The following RAP1GAP2 variants were observed in gnomAD, a reference collection of about 807,000 sequenced individuals.
RAP1GAP2 encodes rap1 GTPase-activating protein 2.
In RAP1GAP2, 27 loss-of-function variants were observed where a neutral mutation model predicts 95.0. That is an observed-to-expected ratio of 0.28 (90% CI 0.21 to 0.39). The LOEUF is 0.39. Ranked by LOEUF, RAP1GAP2 falls within the 10% of genes least tolerant of loss-of-function variation. The pLI is 1.00. For missense variants in RAP1GAP2, 771 were observed against 970.0 expected, an observed-to-expected ratio of 0.79 and a Z score of 2.72; for synonymous variants, 373 against 380.9, an observed-to-expected ratio of 0.98 and a Z score of 0.24.
intron 2 of RAP1GAP2, among the ~76,000 whole-genome samples, chr17:2,806,628 C>T (rs1456219259): frequency 6.6e-6 from 1 of 151,496 alleles, no homozygotes; most frequent in Non-Finnish European, 1.5e-5. Context: ...AACTCGTGAC[C>T]TCAGATGATC....
intron 1 of RAP1GAP2, among the ~76,000 whole-genome samples, chr17:2,781,960 C>G (rs939442049): frequency 2.0e-5 from 3 of 152,160 alleles, no homozygotes; most frequent in East Asian, 1.9e-4. Context: ...GTGCATGTCT[C>G]TGTGTGTGCA....
intron 2 of RAP1GAP2, among the ~76,000 whole-genome samples, chr17:2,887,898 T>C (rs767600822): frequency 6.6e-6 from 1 of 152,094 alleles, no homozygotes; most frequent in Non-Finnish European, 1.5e-5. Flanking sequence ...GGTCTTGAAC[T>C]CCTGACCTCA....
chr17:2,865,501 A>C (rs559467324), intron 2 of RAP1GAP2, among the ~76,000 whole-genome samples: 1 of 152,150 alleles, frequency 6.6e-6, no homozygotes, highest in Non-Finnish European at 1.5e-5. Context: ...CTCGATATGA[A>C]CTGGAAGGTC....
intron 10 of RAP1GAP2, among the ~76,000 whole-genome samples, chr17:2,982,453 G>A (rs768900712): frequency 2.0e-5 from 3 of 152,170 alleles, no homozygotes; most frequent in African/African-American, 7.2e-5. Context: ...AACACTTTCA[G>A]TGTTCAGGAT....
rs530256984 is a variant in RAP1GAP2 at position 2,830,621 on chromosome 17, G to T, written c.80+30071G>T. Among the ~76,000 whole-genome samples the T allele has an allele frequency of 7.9e-5, 12 of 152,098 alleles. No homozygotes were observed. The East Asian group carries it at 2.3e-3, about 30-fold the overall frequency. On this transcript the variant is annotated intron_variant, in intron 2 of 24. Transcript: ENST00000254695. ...CCCAGCTACTCAGGAAGCTGAGGCA[G>T]GAGAATCGCTTGAACCTGGGAGGCG...
intron 8 of RAP1GAP2, among the ~76,000 whole-genome samples, chr17:2,966,439 G>T (rs2044602862): frequency 6.6e-6 from 1 of 152,230 alleles, no homozygotes; most frequent in African/African-American, 2.4e-5. Flanking sequence ...CTGTGAACCT[G>T]TCAGGCTCTC....
intron 3 of RAP1GAP2, among the ~76,000 whole-genome samples, chr17:2,951,388 A>G (rs1412426339): frequency 1.3e-5 from 2 of 152,202 alleles, no homozygotes; most frequent in African/African-American, 4.8e-5. Flanking sequence ...TTTGGTTTTA[A>G]GATGTGTCCA....
chr17:2,781,892 GTC>G (rs1369928321), intron 1 of RAP1GAP2, among the ~76,000 whole-genome samples: 6 of 150,884 alleles, frequency 4.0e-5, no homozygotes, highest in Admixed American at 4.0e-4. Context: ...GTGTGTGCAC[GTC>G]TCTGTGTGTG....
chr17:2,933,367 C>T (rs762944190), intron 3 of RAP1GAP2, among the ~76,000 whole-genome samples: 2 of 151,528 alleles, frequency 1.3e-5, no homozygotes, highest in Admixed American at 6.6e-5. Flanking sequence ...GGGGGCCAGC[C>T]GTGCCTCTGA....
chr17:3,017,916 C>CGTGGGTGT, intron 17 of RAP1GAP2, 145 bp from the exon 18 acceptor site: 1 of 561,302 alleles, frequency 1.8e-6, no homozygotes. Flanking sequence ...CCTCTGTGAC[C>CGTGGGTGT]GTGTGTGTGT....
chr17:2,886,171 ATTT>A (rs564574824), intron 2 of RAP1GAP2, among the ~76,000 whole-genome samples: 27,257 of 122,480 alleles, frequency 0.22, 3,109 homozygotes, highest in Middle Eastern at 0.32. Flanking sequence ...GTATATATAT[ATTT>A]TTTTTTTTTT....
At chr17:3,024,101 A>G (rs2047033512) in intron 19 of RAP1GAP2, among the ~76,000 whole-genome samples, 1 of 152,144 alleles carries the variant, frequency 6.6e-6, no homozygotes, top group African/African-American at 2.4e-5. Context: ...AATTAATATG[A>G]CCACTGGAGA....
At chr17:2,997,295 C>G (rs193158443) in intron 13 of RAP1GAP2, among the ~76,000 whole-genome samples, 14 of 152,290 alleles carry the variant, frequency 9.2e-5, no homozygotes, top group East Asian at 5.8e-4. Context: ...CCCCCTGACA[C>G]GTCTCCTCCT....
chr17:2,884,450 G>A (rs1300807406), intron 2 of RAP1GAP2, among the ~76,000 whole-genome samples: 1 of 146,014 alleles, frequency 6.8e-6, no homozygotes, highest in African/African-American at 2.5e-5. Flanking sequence ...TCGGCTCACT[G>A]TAACCTTCGC....
At chr17:2,862,305 AGTCGCC>A (rs1242676551) in intron 2 of RAP1GAP2, among the ~76,000 whole-genome samples, 1 of 152,154 alleles carries the variant, frequency 6.6e-6, no homozygotes, top group Non-Finnish European at 1.5e-5. Flanking sequence ...ATTAGTGGAC[AGTCGCC>A]ATTAGCCAAT....
At chr17:2,861,119 T>TG (rs1205043813) in intron 2 of RAP1GAP2, among the ~76,000 whole-genome samples, 2 of 152,090 alleles carry the variant, frequency 1.3e-5, no homozygotes, top group African/African-American at 4.8e-5. Context: ...GCTCATTGGC[T>TG]GGTGCTTCCT....
rs1456896891 is a variant in RAP1GAP2, at chr17:2,871,126, T to C, written c.81-34158T>C. Among the ~76,000 whole-genome samples, 1 of 152,092 alleles carries C rather than the reference T, an allele frequency of 6.6e-6. No homozygotes were observed. The highest frequency in any genetic ancestry group is 1.5e-5 in the Non-Finnish European group (1 of 68,024). ...ATGCGCCGCCACACCTGGCTAATTT[T>C]TGTATTTTTAATAGAGACGAGGTTT... On this transcript the variant is annotated intron_variant, in intron 2 of 24. Transcript: ENST00000254695. The surrounding 1 kb of genome is among the most constrained non-coding windows in gnomAD (Gnocchi z 5.0).
chr17:3,024,142 G>A (rs1396874680), intron 19 of RAP1GAP2, among the ~76,000 whole-genome samples: 1 of 152,130 alleles, frequency 6.6e-6, no homozygotes, highest in African/African-American at 2.4e-5. Flanking sequence ...TTAAGGGCAG[G>A]TGGAGAAGGG....
intron 2 of RAP1GAP2, among the ~76,000 whole-genome samples, chr17:2,803,622 T>C (rs2069392074): frequency 1.3e-5 from 2 of 152,264 alleles, no homozygotes; most frequent in African/African-American, 2.4e-5. Context: ...CTCACGCCTG[T>C]AATCCCAGCA....
Sources: allele counts gnomAD v4.1 joint callset (sites outside exome capture counted in the v4.1 genomes callset), GRCh38; gene constraint gnomAD v4.1.1; non-coding constraint Gnocchi (gnomAD v3.1); transcripts MANE v1.5; gene names NCBI Gene and HGNC (gene_info 2026-07-23, HGNC 2026-07-21).